CTNNA3: variants seen among roughly 807,000 people sequenced by gnomAD.
CTNNA3 encodes catenin alpha-3.
Under a neutral mutation model 95.7 loss-of-function variants are expected in CTNNA3, and 76 were observed. The ratio of observed to expected loss-of-function variants is 0.79; its 90% CI spans 0.66 to 0.96. The LOEUF is 0.96. CTNNA3 is among the 40% of genes least tolerant of loss of function. The pLI, the probability that CTNNA3 is intolerant of heterozygous loss-of-function variation, is 0.00. For synonymous variants in CTNNA3, 431 were observed against 374.4 expected (o/e 1.15, Z -1.74); for missense variants, 1,191 against 1,089.8 (o/e 1.09, Z -1.31).
At chr10:67,446,179 A>C (rs541041676) in intron 5 of CTNNA3, among the ~76,000 whole-genome samples, 56 of 152,198 alleles carry the variant, frequency 3.7e-4, no homozygotes, top group African/African-American at 1.3e-3. Context: ...AGCTTTGTAC[A>C]TCTCCTCATT....
intron 3 of CTNNA3, among the ~76,000 whole-genome samples, chr10:67,549,386 T>G (rs1158587983): frequency 6.6e-6 from 1 of 152,168 alleles, no homozygotes; most frequent in Non-Finnish European, 1.5e-5. Flanking sequence ...GCAGAATGCA[T>G]CTCTCTCGGA....
chr10:66,873,378 G>GTT (rs58775377), intron 7 of CTNNA3, among the ~76,000 whole-genome samples: 84 of 149,128 alleles, frequency 5.6e-4, no homozygotes, highest in East Asian at 3.0e-3. Context: ...TTTGTTTTTT[G>GTT]TTTTTTTTTT....
chr10:67,167,404 AG>A (rs1362355907), intron 7 of CTNNA3, among the ~76,000 whole-genome samples: 1 of 152,176 alleles, frequency 6.6e-6, no homozygotes, highest in African/African-American at 2.4e-5. Context: ...TTGCATTCTG[AG>A]GGGAAATGTC....
At chr10:67,495,379 C>T (rs1375715187) in intron 5 of CTNNA3, among the ~76,000 whole-genome samples, 2 of 152,160 alleles carry the variant, frequency 1.3e-5, no homozygotes, top group African/African-American at 2.4e-5. Context: ...ATGGCAGAAA[C>T]ATTCTCTCCG....
At chr10:67,742,209 C>G (rs1367283348) in intron 1 of CTNNA3, among the ~76,000 whole-genome samples, 1 of 151,258 alleles carries the variant, frequency 6.6e-6, no homozygotes, top group Non-Finnish European at 1.5e-5. Context: ...TTCTTCTCAG[C>G]ACCACACTGC....
At chr10:66,818,396 CTATT>C (rs1842171073) in intron 7 of CTNNA3, among the ~76,000 whole-genome samples, 1 of 152,148 alleles carries the variant, frequency 6.6e-6, no homozygotes, top group Admixed American at 6.5e-5. Context: ...TACAGACAAA[CTATT>C]TATGATAATA....
At chr10:67,256,614 G>C (rs1400742306) in intron 5 of CTNNA3, among the ~76,000 whole-genome samples, 2 of 152,104 alleles carry the variant, frequency 1.3e-5, no homozygotes, top group African/African-American at 4.8e-5. Flanking sequence ...AATGACATAA[G>C]ATGGGATGAT....
intron 14 of CTNNA3, among the ~76,000 whole-genome samples, chr10:66,094,837 A>C (rs188191702): frequency 6.6e-6 from 1 of 152,240 alleles, no homozygotes; most frequent in Admixed American, 6.6e-5. Flanking sequence ...CAGTGGTGAT[A>C]GTGGAGATGG....
chr10:66,693,029 C>T (rs1479083480), intron 9 of CTNNA3, among the ~76,000 whole-genome samples: 10 of 152,214 alleles, frequency 6.6e-5, no homozygotes, highest in East Asian at 1.9e-4. Context: ...TAAACACCAT[C>T]GAGGCTAGGA....
At chr10:67,671,795 T>C (rs1306363257) in intron 1 of CTNNA3, among the ~76,000 whole-genome samples, 1 of 151,952 alleles carries the variant, frequency 6.6e-6, no homozygotes, top group African/African-American at 2.4e-5. Context: ...GTCTTTGCTA[T>C]TGTTAATAGT....
At chr10:66,602,154 T>A (rs986417562) in intron 10 of CTNNA3, among the ~76,000 whole-genome samples, 6 of 151,872 alleles carry the variant, frequency 4.0e-5, no homozygotes, top group African/African-American at 1.4e-4. Context: ...ATAGAAGTTC[T>A]TAGGATCTAT....
chr10:66,680,694 C>T (rs1421543574), intron 9 of CTNNA3, among the ~76,000 whole-genome samples: 1 of 152,100 alleles, frequency 6.6e-6, no homozygotes, highest in Non-Finnish European at 1.5e-5. Context: ...GAACTAAAGT[C>T]ATGAAGGACT....
intron 7 of CTNNA3, among the ~76,000 whole-genome samples, chr10:66,873,665 C>T (rs1043160282): frequency 3.9e-5 from 6 of 152,008 alleles, no homozygotes; most frequent in African/African-American, 1.4e-4. Flanking sequence ...GGAGAAAGGA[C>T]GCCCCCATTC....
chr10:66,626,116 C>T (rs60484109), intron 9 of CTNNA3, among the ~76,000 whole-genome samples: 4,493 of 152,126 alleles, frequency 0.03, 221 homozygotes, highest in African/African-American at 0.1. Context: ...TATGTTTTAA[C>T]GTTCTAGTAT....
intron 12 of CTNNA3, among the ~76,000 whole-genome samples, chr10:66,353,475 T>C (rs1374555312): frequency 2.0e-5 from 3 of 152,176 alleles, no homozygotes; most frequent in Non-Finnish European, 4.4e-5. Context: ...TATTGTTGTC[T>C]TGTTTTTGTA....
intron 5 of CTNNA3, among the ~76,000 whole-genome samples, chr10:67,254,020 G>A (rs184079050): frequency 3.9e-5 from 6 of 152,258 alleles, no homozygotes; most frequent in Admixed American, 1.3e-4. Context: ...TAGAGAGAGA[G>A]ATTATTTAAA....
chr10:66,050,570 G>A (rs985451709), intron 15 of CTNNA3, among the ~76,000 whole-genome samples: 3 of 152,046 alleles, frequency 2.0e-5, no homozygotes, highest in Non-Finnish European at 4.4e-5. Context: ...TAGCTGGGAC[G>A]ACAGGCTAGG....
chr10:67,357,212 G>A (rs1006004780), intron 5 of CTNNA3, among the ~76,000 whole-genome samples: 9 of 151,996 alleles, frequency 5.9e-5, no homozygotes, highest in Admixed American at 2.0e-4. Context: ...TGTCTGAAAT[G>A]CATTACTCTC....
intron 13 of CTNNA3, among the ~76,000 whole-genome samples, chr10:66,192,594 G>A (rs1035570225): frequency 1.3e-5 from 2 of 152,126 alleles, no homozygotes; most frequent in Non-Finnish European, 2.9e-5. Context: ...CTTAACATGT[G>A]TTACAAAAAC....
Sources: allele counts gnomAD v4.1 joint callset (sites outside exome capture counted in the v4.1 genomes callset), GRCh38; gene constraint gnomAD v4.1.1; transcripts MANE v1.5; gene names NCBI Gene and HGNC (gene_info 2026-07-23, HGNC 2026-07-21).